PABPC4L: variants seen among roughly 807,000 people sequenced by gnomAD.
PABPC4L encodes polyadenylate-binding protein 4-like.
For missense variants in PABPC4L, 452 were observed against 451.4 expected (o/e 1.00, Z -0.01); for synonymous variants, 169 against 164.1 (o/e 1.03, Z -0.23).
At chr4:134,187,751 T>C in the PABPC4L span, among the ~76,000 whole-genome samples, 1 of 152,098 alleles carries the variant, frequency 6.6e-6, no homozygotes, top group African/African-American at 2.4e-5. Flanking sequence ...CTCTTTCTTT[T>C]TATTAGTGCT....
At chr4:134,139,051 A>T in the PABPC4L span, among the ~76,000 whole-genome samples, 1 of 152,088 alleles carries the variant, frequency 6.6e-6, no homozygotes, top group East Asian at 1.9e-4. Context: ...TCCTGTAGAG[A>T]AATACTTCAT....
chr4:134,177,286 C>T, the PABPC4L span, among the ~76,000 whole-genome samples: 30 of 150,930 alleles, frequency 2.0e-4, 1 homozygote, highest in Admixed American at 5.3e-4. Context: ...GTTCAATTCT[C>T]CTGCTTTGGC....
the PABPC4L span, among the ~76,000 whole-genome samples, chr4:134,088,545 G>C: frequency 1.3e-5 from 2 of 152,034 alleles, no homozygotes; most frequent in Non-Finnish European, 2.9e-5. Context: ...ATTAAAAGGT[G>C]GTCCCTTTAG....
chr4:133,993,383 T>G, the PABPC4L span, among the ~76,000 whole-genome samples: 2 of 152,128 alleles, frequency 1.3e-5, no homozygotes, highest in Non-Finnish European at 2.9e-5. Context: ...AGCCAGACCA[T>G]TATCAGTTTT....
At chr4:134,161,642 C>T in the PABPC4L span, among the ~76,000 whole-genome samples, 4 of 152,218 alleles carry the variant, frequency 2.6e-5, no homozygotes, top group South Asian at 8.3e-4. Context: ...TCATCAACAG[C>T]AGACTTGTCT....
At chr4:134,042,005 A>G in the PABPC4L span, among the ~76,000 whole-genome samples, 2 of 152,326 alleles carry the variant, frequency 1.3e-5, no homozygotes, top group South Asian at 4.1e-4. Flanking sequence ...AAGATATGGA[A>G]TCAACCCAAC....
chr4:134,045,612 C>T, the PABPC4L span, among the ~76,000 whole-genome samples: 15 of 152,102 alleles, frequency 9.9e-5, no homozygotes, highest in Non-Finnish European at 2.2e-4. Context: ...TAACCAGCAG[C>T]GTGGGTCTAA....
chr4:134,067,411 T>C, the PABPC4L span, among the ~76,000 whole-genome samples: 1 of 152,106 alleles, frequency 6.6e-6, no homozygotes, highest in Admixed American at 6.6e-5. Flanking sequence ...TATTTGGATC[T>C]TCTTTCTTTT....
At chr4:134,166,574 C>T in the PABPC4L span, among the ~76,000 whole-genome samples, 1,207 of 152,210 alleles carry the variant, frequency 7.9e-3, 18 homozygotes, top group African/African-American at 0.027. Context: ...TTCCTTCAGG[C>T]CCTCTGAGGG....
At chr4:134,052,256 T>A in the PABPC4L span, among the ~76,000 whole-genome samples, 1 of 152,082 alleles carries the variant, frequency 6.6e-6, no homozygotes, top group East Asian at 1.9e-4. Flanking sequence ...ATGACATGAA[T>A]ATTCTCAATA....
the PABPC4L span, among the ~76,000 whole-genome samples, chr4:134,023,560 A>T: frequency 6.6e-6 from 1 of 151,910 alleles, no homozygotes; most frequent in Non-Finnish European, 1.5e-5. Flanking sequence ...ATTATTTATT[A>T]TTTTTCACTT....
chr4:134,182,391 T>C, the PABPC4L span, among the ~76,000 whole-genome samples: 1 of 152,018 alleles, frequency 6.6e-6, no homozygotes, highest in Non-Finnish European at 1.5e-5. Context: ...GATAACTGTC[T>C]AGTCATATGC....
chr4:134,118,386 T>C, the PABPC4L span, among the ~76,000 whole-genome samples: 1 of 151,838 alleles, frequency 6.6e-6, no homozygotes, highest in Non-Finnish European at 1.5e-5. Context: ...CATGGTTACA[T>C]AGGCTGCCTT....
the PABPC4L span, among the ~76,000 whole-genome samples, chr4:134,089,779 GCGC>G: frequency 1.3e-5 from 2 of 151,972 alleles, no homozygotes; most frequent in Non-Finnish European, 2.9e-5. Flanking sequence ...ATAGGGCTGA[GCGC>G]AGACTGTATT....
the PABPC4L span, among the ~76,000 whole-genome samples, chr4:134,112,657 A>C: frequency 6.6e-6 from 1 of 151,898 alleles, no homozygotes; most frequent in East Asian, 1.9e-4. Context: ...ACATCTATAC[A>C]TATATGCACA....
At chr4:134,086,099 C>G in the PABPC4L span, among the ~76,000 whole-genome samples, 1 of 151,654 alleles carries the variant, frequency 6.6e-6, no homozygotes, top group Non-Finnish European at 1.5e-5. Flanking sequence ...GTCATGAATC[C>G]TTGAATAAAC....
At chr4:134,163,693 T>C in the PABPC4L span, among the ~76,000 whole-genome samples, 1 of 152,078 alleles carries the variant, frequency 6.6e-6, no homozygotes. Flanking sequence ...GTTCAAGATA[T>C]GCAAGTCAAT....
chr4:133,977,769 C>T, the PABPC4L span, among the ~76,000 whole-genome samples: 2 of 152,154 alleles, frequency 1.3e-5, no homozygotes, highest in African/African-American at 4.8e-5. Flanking sequence ...ACAAAATCAA[C>T]CCAATAAATT....
the PABPC4L span, among the ~76,000 whole-genome samples, chr4:134,050,847 G>A: frequency 2.7e-5 from 4 of 150,308 alleles, no homozygotes; most frequent in East Asian, 2.0e-4. Context: ...GACGTGGCCC[G>A]ACAATTCCTT....
Sources: allele counts gnomAD v4.1 joint callset (sites outside exome capture counted in the v4.1 genomes callset), GRCh38; gene constraint gnomAD v4.1.1; transcripts MANE v1.5; gene names NCBI Gene and HGNC (gene_info 2026-07-23, HGNC 2026-07-21).